Variants in SHTN1 observed in about 807,000 individuals in gnomAD.
SHTN1 encodes the protein shootin-1.
A neutral mutation model predicts 83.1 loss-of-function variants in SHTN1; 42 were observed. The ratio of observed to expected loss-of-function variants is 0.51; its 90% CI spans 0.39 to 0.65. The LOEUF (loss-of-function observed/expected upper bound fraction) is 0.65, where lower values mean the gene tolerates loss of function less well. SHTN1 is among the 30% of genes least tolerant of loss of function. The pLI, the probability that SHTN1 is intolerant of heterozygous loss-of-function variation, is 0.00. For synonymous variants in SHTN1, 224 were observed against 247.7 expected (o/e 0.90, Z 0.90); for missense variants, 622 against 737.8 (o/e 0.84, Z 1.82).
intron 2 of SHTN1, among the ~76,000 whole-genome samples, chr10:117,045,515 C>G (rs1051179286): frequency 2.0e-5 from 3 of 151,972 alleles, no homozygotes; most frequent in Admixed American, 6.6e-5. Flanking sequence ...CATCCCAGAC[C>G]TTATTTAAGA....
chr10:117,003,737 TGAAAGA>T (rs1449031677), intron 1 of SHTN1, among the ~76,000 whole-genome samples: 1 of 151,984 alleles, frequency 6.6e-6, no homozygotes, highest in Non-Finnish European at 1.5e-5. Context: ...CCAAGAGAAG[TGAAAGA>T]GCTGCAACTA....
Position 116,901,027 on chromosome 10 carries a change from A to C in SHTN1, c.1673+738T>G, listed in dbSNP as rs926646936. ...TTCTTTCTCTCTTGATAGGACAGGA[A>C]ATCAGAGGTTTAATTAACCATGATT... On this transcript the variant is annotated intron_variant, in intron 16 of 16. Coordinates refer to ENST00000355371, the MANE Select transcript of SHTN1 (RefSeq NM_001127211.3). 4.1e-6 allele frequency: 4 copies of C among 985,428 alleles called. No individual in the cohort carries two copies. In the South Asian group the frequency reaches 1.4e-4, roughly 35 times the overall value. 61.0% of individuals were successfully genotyped at this position (985,428 alleles called of 1,614,324 possible).
chr10:116,996,389 T>C (rs576579849), intron 1 of SHTN1, among the ~76,000 whole-genome samples: 1 of 152,302 alleles, frequency 6.6e-6, no homozygotes, highest in South Asian at 2.1e-4. Flanking sequence ...TTGGGCTTTT[T>C]CTGAAGCTAT....
At chr10:116,965,079 G>C (rs991222198) in intron 3 of SHTN1, among the ~76,000 whole-genome samples, 1 of 152,230 alleles carries the variant, frequency 6.6e-6, no homozygotes, top group Non-Finnish European at 1.5e-5. Flanking sequence ...TTGTGTGTAG[G>C]AGGAAGGCTC....
Position 116,948,971 on chromosome 10 carries a change from AGTCTT to A in SHTN1, c.556_560del (p.Lys186CysfsTer8). On this transcript the variant is annotated frameshift_variant, in exon 7 of 17. Coordinates refer to ENST00000355371, the MANE Select transcript of SHTN1 (RefSeq NM_001127211.3). LOFTEE classifies it high-confidence loss of function. The stretch of plus-strand genomic sequence containing the variant: ...GTTCAAGAACTTCTGAATTTAAAAC[AGTCTT>A]TTCTTGTTTAACTTTATTTACCTAA... 1 of 1,569,038 alleles carries A rather than the reference AGTCTT, an allele frequency of 6.4e-7. No homozygotes were observed. The highest frequency in any genetic ancestry group is 8.6e-7 in the Non-Finnish European group (1 of 1,158,154).
chr10:116,887,634 A>G (rs1294608064), intron 16 of SHTN1, among the ~76,000 whole-genome samples: 1 of 152,050 alleles, frequency 6.6e-6, no homozygotes, highest in Non-Finnish European at 1.5e-5. Flanking sequence ...CTGGCAGGAG[A>G]CACTCTTTTA....
chr10:116,944,877 G>C (rs773435011), intron 8 of SHTN1, 47 bp downstream of exon 8: 1 of 1,214,720 alleles, frequency 8.2e-7, no homozygotes. Flanking sequence ...GTGACAGAGC[G>C]AGACTCTGTC....
At chr10:116,969,892 C>T (rs1228188388) in intron 2 of SHTN1, among the ~76,000 whole-genome samples, 1 of 152,092 alleles carries the variant, frequency 6.6e-6, no homozygotes, top group Non-Finnish European at 1.5e-5. Flanking sequence ...TAATTTCTAG[C>T]TATTAGAGTA....
chr10:116,984,608 G>A (rs1257321342), intron 1 of SHTN1, among the ~76,000 whole-genome samples: 1 of 152,004 alleles, frequency 6.6e-6, no homozygotes, highest in Admixed American at 6.6e-5. Context: ...TCCCTCCAAA[G>A]GATCATCAAA....
At chr10:116,923,578 C>T (rs1443178197) in intron 11 of SHTN1, among the ~76,000 whole-genome samples, 2 of 149,708 alleles carry the variant, frequency 1.3e-5, no homozygotes, top group Non-Finnish European at 3.0e-5. Flanking sequence ...TTTTTTGAGA[C>T]AGGGTCTCAC....
At chr10:116,954,351 T>C in intron 4 of SHTN1, 141 bp from the exon 5 acceptor site, 1 of 558,020 alleles carries the variant, frequency 1.8e-6, no homozygotes, top group Non-Finnish European at 3.1e-6. Flanking sequence ...AGTGGATTCA[T>C]TAAATAAGGT....
At chr10:117,038,933 G>A (rs1429309317) in intron 2 of SHTN1, among the ~76,000 whole-genome samples, 4 of 152,192 alleles carry the variant, frequency 2.6e-5, no homozygotes, top group Non-Finnish European at 4.4e-5. Context: ...AGACGGTTTG[G>A]TAGTTCTTAC....
chr10:116,932,644 A>G (rs971750522), intron 9 of SHTN1, among the ~76,000 whole-genome samples: 10 of 152,182 alleles, frequency 6.6e-5, no homozygotes, highest in African/African-American at 2.4e-4. Flanking sequence ...GAACTATAAT[A>G]TTCAGTAGGT....
chr10:116,963,813 T>A (rs945449451), intron 3 of SHTN1, among the ~76,000 whole-genome samples: 1 of 152,166 alleles, frequency 6.6e-6, no homozygotes, highest in East Asian at 1.9e-4. Flanking sequence ...AGTAAAAAAA[T>A]TTTAATGACC....
chr10:116,923,160 G>C (rs574696082), intron 11 of SHTN1, among the ~76,000 whole-genome samples: 1 of 152,224 alleles, frequency 6.6e-6, no homozygotes, highest in Non-Finnish European at 1.5e-5. Flanking sequence ...AGTAATTAGG[G>C]AGGAAGGTGG....
chr10:116,974,175 G>C, intron 2 of SHTN1: 1 of 1,015,306 alleles, frequency 9.8e-7, no homozygotes, highest in Non-Finnish European at 1.2e-6. Flanking sequence ...TGTGTTAGAT[G>C]GAAACACATG....
In SHTN1 at chr10:116,900,871, A is replaced by G. The variant is rs184815882; in HGVS notation, c.1673+894T>C. The G allele has an allele frequency of 2.6e-5, 26 of 985,370 alleles. No homozygotes were observed. In the Admixed American group the frequency reaches 1.0e-3, roughly 40 times the overall value. 61.0% of individuals were successfully genotyped at this position (985,370 alleles called of 1,614,324 possible). A position where few individuals can be genotyped will look rare whatever the true frequency, so the allele number is the denominator to read the frequency against. ...CATTCCAGAAGAGAAAAAAAAGTTA[A>G]TAGTAGCAATGAGAGAATGCAAGAG... On this transcript the variant is annotated intron_variant, in intron 16 of 16. Transcript: ENST00000355371.
intron 1 of SHTN1, among the ~76,000 whole-genome samples, chr10:117,098,733 G>C (rs183816289): frequency 3.5e-4 from 53 of 152,182 alleles, no homozygotes; most frequent in African/African-American, 1.2e-3. Flanking sequence ...AAGAATGCAG[G>C]ACTCAACAAC....
chr10:117,107,565 C>T (rs1249116100), intron 1 of SHTN1, among the ~76,000 whole-genome samples: 1 of 152,200 alleles, frequency 6.6e-6, no homozygotes, highest in African/African-American at 2.4e-5. Context: ...ATCCAATTCA[C>T]TCCAGACATA....
Sources: allele counts gnomAD v4.1 joint callset (sites outside exome capture counted in the v4.1 genomes callset), GRCh38; gene constraint gnomAD v4.1.1; transcripts MANE v1.5; gene names NCBI Gene and HGNC (gene_info 2026-07-23, HGNC 2026-07-21).